Variants in PTTG1IP2 observed in about 807,000 individuals in gnomAD.
PTTG1IP2 encodes PTTG1IP family member 2.
intron 2 of PTTG1IP2, among the ~76,000 whole-genome samples, chr7:90,486,697 A>T (rs1258258081): frequency 2.0e-5 from 3 of 152,178 alleles, no homozygotes; most frequent in Admixed American, 1.3e-4. Flanking sequence ...TCGGGGATGC[A>T]GGCAAGAGGA....
At chr7:90,498,019 G>A (rs529672463) in intron 6 of PTTG1IP2, among the ~76,000 whole-genome samples, 1 of 150,938 alleles carries the variant, frequency 6.6e-6, no homozygotes, top group Non-Finnish European at 1.5e-5. Context: ...TCCTCTTGAT[G>A]AATGAACCCC....
intron 6 of PTTG1IP2, among the ~76,000 whole-genome samples, chr7:90,496,093 AG>A (rs1797987483): frequency 6.6e-6 from 1 of 152,232 alleles, no homozygotes; most frequent in African/African-American, 2.4e-5. Context: ...TATATTCATC[AG>A]GGATATTAGC....
rs1347972345 is a variant in PTTG1IP2 at position 90,497,713 on chromosome 7, TATAAAAAAAA to T, written c.*50+3285_*50+3294del. On this transcript the variant is annotated intron_variant, in intron 6 of 6. Coordinates refer to ENST00000509356, the MANE Select transcript of PTTG1IP2 (RefSeq NM_001365443.2). Reference sequence around the variant, plus strand: ...GCCTGAGCGACAGAGAAAGACCCTGTATAAAAAAAAAAAAAAAAAAAAAAAAAAAAAGAAG... The same window carrying T: ...GCCTGAGCGACAGAGAAAGACCCTGTAAAAAAAAAAAAAAAAAAAAAGAAG... 1.6e-4 allele frequency among the ~76,000 whole-genome samples: 8 copies of T among 49,598 alleles called. 1 individual carries two copies. In the East Asian group the frequency reaches 3.8e-3, roughly 23 times the overall value. 32.5% of individuals were successfully genotyped at this position (49,598 alleles called of 152,430 possible).
chr7:90,492,288 A>G lies in PTTG1IP2; in HGVS notation c.430A>G (p.Ile144Val), dbSNP rs1045823774. ...YFYGRRETVP[I>V]HDRSATVYDE ...TTATGGAAGACGAGAAACAGTTCCT[A>G]TTCACGACCGCAGTGCTACTGGCAA... is the stretch of plus-strand genomic sequence containing the variant. Residue 144 changes from isoleucine to valine, a missense_variant, in exon 5 of 7, where the codon ATT (isoleucine) becomes GTT (valine). By Grantham distance (29) the Ile-to-Val change is conservative (BLOSUM62 3). Transcript: ENST00000509356. 5.9e-5 allele frequency: 9 copies of G among 152,226 alleles called. No homozygotes were observed. The highest frequency in any genetic ancestry group is 1.3e-4 in the Non-Finnish European group (9 of 68,042). The allele number at this position is 152,226 out of a possible 1,614,324, so 9.4% of individuals were successfully genotyped here. A position where few individuals can be genotyped will look rare whatever the true frequency, so the allele number is the denominator to read the frequency against.
At chr7:90,471,349 G>C (rs1797685079) in intron 1 of PTTG1IP2, among the ~76,000 whole-genome samples, 1 of 152,184 alleles carries the variant, frequency 6.6e-6, no homozygotes, top group African/African-American at 2.4e-5. Flanking sequence ...TGCACATCAA[G>C]TGAGACCTCC....
At chr7:90,476,294 T>G (rs1797747205) in intron 1 of PTTG1IP2, among the ~76,000 whole-genome samples, 1 of 152,328 alleles carries the variant, frequency 6.6e-6, no homozygotes, top group South Asian at 2.1e-4. Context: ...GTAATTAAAA[T>G]TCCATCTGAT....
At chr7:90,503,229 T>C (rs949516028) in intron 6 of PTTG1IP2, among the ~76,000 whole-genome samples, 3 of 152,234 alleles carry the variant, frequency 2.0e-5, no homozygotes, top group Admixed American at 2.0e-4. Flanking sequence ...TCAGCCTTCA[T>C]AGAATTGAAG....
chr7:90,503,753 G>T (rs900306753), intron 6 of PTTG1IP2, among the ~76,000 whole-genome samples: 1 of 152,092 alleles, frequency 6.6e-6, no homozygotes, highest in Non-Finnish European at 1.5e-5. Flanking sequence ...AATTACAATA[G>T]TAACATCAAA....
At position 90,497,558 on chromosome 7, in the gene PTTG1IP2, C is replaced by T. The variant is rs1440502062; in HGVS notation, c.*50+3128C>T. Among the ~76,000 whole-genome samples, 19 of 117,236 alleles carry T rather than the reference C, an allele frequency of 1.6e-4. 1 individual carries two copies. Among genetic ancestry groups the T allele is most frequent in the Non-Finnish European group, 3.1e-4 (18 of 58,498 alleles). The allele number at this position is 117,236 out of a possible 152,430, so 76.9% of individuals were successfully genotyped here. A position where few individuals can be genotyped will look rare whatever the true frequency, so the allele number is the denominator to read the frequency against. ...CAGCCTGGGCGACAGAGCGAGAATC[C>T]GTCTCAAAAAAAAAAAAAAAAAAAA... On this transcript the variant is annotated intron_variant, in intron 6 of 6. Coordinates refer to ENST00000509356, the MANE Select transcript of PTTG1IP2 (RefSeq NM_001365443.2).
At chr7:90,504,350 A>T (rs1798100528) in intron 6 of PTTG1IP2, among the ~76,000 whole-genome samples, 1 of 152,008 alleles carries the variant, frequency 6.6e-6, no homozygotes, top group Non-Finnish European at 1.5e-5. Flanking sequence ...AATGGGACAG[A>T]GTGGGATAGA....
At chr7:90,500,494 C>G (rs1036757275) in intron 6 of PTTG1IP2, among the ~76,000 whole-genome samples, 3 of 152,084 alleles carry the variant, frequency 2.0e-5, no homozygotes, top group African/African-American at 7.2e-5. Flanking sequence ...AAGTTGGGAT[C>G]CCCAAGAACT....
chr7:90,497,827 TG>T (rs1798014180), intron 6 of PTTG1IP2, among the ~76,000 whole-genome samples: 1 of 151,460 alleles, frequency 6.6e-6, no homozygotes, highest in African/African-American at 2.4e-5. Context: ...TATGTCCATT[TG>T]TCCAAAGTGT....
In PTTG1IP2 at chr7:90,479,266, G is replaced by A. The variant is rs1052270310; in HGVS notation, c.184G>A (p.Asp62Asn). The part of the protein sequence containing the change: ...VKKSCQLCTE[D>N]KKCVWCSEEK... ...GAAGAGTTGTCAATTGTGCACAGAA[G>A]ATAAGAAAGTAAGTTAACTTTCTTA... Residue 62 changes from aspartate to asparagine, a missense_variant, in exon 2 of 7, where the codon GAT (aspartate) becomes AAT (asparagine). Coordinates refer to ENST00000509356, the MANE Select transcript of PTTG1IP2 (RefSeq NM_001365443.2). The A allele has an allele frequency of 7.9e-5, 12 of 152,502 alleles. No individual in the cohort carries two copies. Among genetic ancestry groups the A allele is most frequent in the Non-Finnish European group, 1.8e-4 (12 of 67,984 alleles). The allele number at this position is 152,502 out of a possible 1,614,324, so 9.4% of individuals were successfully genotyped here.
At chr7:90,511,551 C>T (rs141968838) in intron 6 of PTTG1IP2, among the ~76,000 whole-genome samples, 1 of 152,106 alleles carries the variant, frequency 6.6e-6, no homozygotes, top group African/African-American at 2.4e-5. Context: ...TGCACCAATT[C>T]CAGGTATTTA....
chr7:90,473,237 G>A (rs188360865), intron 1 of PTTG1IP2, among the ~76,000 whole-genome samples: 27 of 152,330 alleles, frequency 1.8e-4, no homozygotes, highest in African/African-American at 6.0e-4. Context: ...GTACAGACAA[G>A]GCAGCTCTTG....
chr7:90,491,612 G>A (rs1797939068), intron 4 of PTTG1IP2, among the ~76,000 whole-genome samples: 1 of 149,162 alleles, frequency 6.7e-6, no homozygotes, highest in Non-Finnish European at 1.5e-5. Context: ...GACATAGCGA[G>A]ACTCCATCTA....
rs1797802335 is a variant in PTTG1IP2, at chr7:90,480,394, G to T, written c.192+1120G>T. Among the ~76,000 whole-genome samples the T allele has an allele frequency of 2.0e-5, 3 of 151,710 alleles. No homozygotes were observed. The South Asian group carries it at 6.2e-4, about 32-fold the overall frequency. ...TGAATACAATATTCTTCCAGTTTTT[G>T]TTGTCGTTAAATGTTTTATAAAGGA... On this transcript the variant is annotated intron_variant, in intron 2 of 6. Coordinates refer to ENST00000509356, the MANE Select transcript of PTTG1IP2 (RefSeq NM_001365443.2).
At chr7:90,507,634 T>C (rs1335378207) in intron 6 of PTTG1IP2, among the ~76,000 whole-genome samples, 1 of 152,188 alleles carries the variant, frequency 6.6e-6, no homozygotes, top group Non-Finnish European at 1.5e-5. Context: ...CAGAAATATC[T>C]TGGATTCTCA....
At chr7:90,505,139 A>T (rs1049084444) in intron 6 of PTTG1IP2, among the ~76,000 whole-genome samples, 1 of 152,202 alleles carries the variant, frequency 6.6e-6, no homozygotes. Context: ...TTATGCACCT[A>T]TTCAATAAGA....
Sources: allele counts gnomAD v4.1 joint callset (sites outside exome capture counted in the v4.1 genomes callset), GRCh38; gene constraint gnomAD v4.1.1; transcripts MANE v1.5; gene names NCBI Gene and HGNC (gene_info 2026-07-23, HGNC 2026-07-21).